HDAC8: variants seen among roughly 807,000 people sequenced by gnomAD.
HDAC8 encodes the protein histone deacetylase 8, also known as histone deacetylase-like 1.
Under a neutral mutation model 32.2 loss-of-function variants are expected in HDAC8, and 1 was observed. That is an observed-to-expected ratio of 0.03 (90% CI 0.01 to 0.15). The LOEUF is 0.15. Ranked by LOEUF, HDAC8 falls within the 10% of genes least tolerant of loss-of-function variation. The probability of loss-of-function intolerance (pLI) is 1.00; values close to 1 mark genes in which losing one functional copy is unlikely to be tolerated. For missense variants in HDAC8, 117 were observed against 300.0 expected, an observed-to-expected ratio of 0.39 and a Z score of 4.51; for synonymous variants, 108 against 113.9, an observed-to-expected ratio of 0.95 and a Z score of 0.33.
At chrX:72,442,079 G>A (rs1204795022) in intron 9 of HDAC8, among the ~76,000 whole-genome samples, 12 of 111,032 alleles carry the variant, frequency 1.1e-4, no homozygotes, top group East Asian at 2.8e-4. Context: ...TGAAAGTGAC[G>A]GGGAGAATGG....
intron 4 of HDAC8, among the ~76,000 whole-genome samples, chrX:72,502,511 T>C (rs1354003131): frequency 9.0e-6 from 1 of 111,270 alleles, no homozygotes; most frequent in East Asian, 2.8e-4. Context: ...AACTGTTGGG[T>C]ACTGGGCTTA....
At chrX:72,547,748 T>G (rs781903363) in intron 4 of HDAC8, among the ~76,000 whole-genome samples, 9 of 111,683 alleles carry the variant, frequency 8.1e-5, no homozygotes, top group Non-Finnish European at 1.5e-4. Context: ...ACAGAGATAA[T>G]AATTTGTACC....
At chrX:72,492,289 C>G (rs1235171327) in intron 5 of HDAC8, among the ~76,000 whole-genome samples, 1 of 111,860 alleles carries the variant, frequency 8.9e-6, no homozygotes, top group Non-Finnish European at 1.9e-5. Flanking sequence ...AATGGTTTTG[C>G]TCTAATTTGC....
At chrX:72,419,978 C>T (rs968057776) in intron 9 of HDAC8, among the ~76,000 whole-genome samples, 2 of 111,164 alleles carry the variant, frequency 1.8e-5, no homozygotes, top group African/African-American at 3.3e-5. Flanking sequence ...TGTATAATGA[C>T]GTTAATATAT....
chrX:72,458,246 C>T (rs1798015769), intron 9 of HDAC8, among the ~76,000 whole-genome samples: 2 of 112,838 alleles, frequency 1.8e-5, no homozygotes, highest in Admixed American at 1.9e-4. Flanking sequence ...GCTGGCCAAC[C>T]TGGCTCCCCA....
intron 10 of HDAC8, chrX:72,351,240 C>A: frequency 5.0e-6 from 1 of 201,408 alleles, no homozygotes; most frequent in Non-Finnish European, 9.1e-6. Flanking sequence ...TTTGGGACCA[C>A]AGGCATATGC....
At chrX:72,506,878 G>T (rs2049408876) in intron 4 of HDAC8, among the ~76,000 whole-genome samples, 1 of 109,937 alleles carries the variant, frequency 9.1e-6, no homozygotes, top group African/African-American at 3.3e-5. Context: ...TTGAGATAGG[G>T]TCTCACTCTG....
At chrX:72,334,107 G>T (rs1186493179) in intron 10 of HDAC8, among the ~76,000 whole-genome samples, 1 of 111,884 alleles carries the variant, frequency 8.9e-6, no homozygotes, top group African/African-American at 3.3e-5. Flanking sequence ...AAAAATGCAA[G>T]CTTAAATAAT....
At chrX:72,436,244 C>T (rs1358014458) in intron 9 of HDAC8, among the ~76,000 whole-genome samples, 1 of 111,307 alleles carries the variant, frequency 9.0e-6, no homozygotes, top group Non-Finnish European at 1.9e-5. Flanking sequence ...ATGATAAACC[C>T]AAGGAAATCC....
intron 10 of HDAC8, among the ~76,000 whole-genome samples, chrX:72,343,718 C>T (rs1459350207): frequency 8.9e-6 from 1 of 111,949 alleles, no homozygotes; most frequent in Non-Finnish European, 1.9e-5. Context: ...GTTGTCCAGG[C>T]TGGTCTCAAA....
At chrX:72,413,120 TTTTATTA>T (rs1437285031) in intron 9 of HDAC8, among the ~76,000 whole-genome samples, 20 of 111,217 alleles carry the variant, frequency 1.8e-4, no homozygotes, top group African/African-American at 5.9e-4. Context: ...TGGTTTTTTT[TTTTATTA>T]TTATTATACT....
intron 7 of HDAC8, among the ~76,000 whole-genome samples, chrX:72,476,322 G>A (rs1386928798): frequency 9.1e-6 from 1 of 110,467 alleles, no homozygotes; most frequent in Non-Finnish European, 1.9e-5. Flanking sequence ...CTGGGCAGGG[G>A]GTAGGGTGGG....
chrX:72,389,000 C>T (rs1337755848), intron 9 of HDAC8, among the ~76,000 whole-genome samples: 3 of 112,228 alleles, frequency 2.7e-5, no homozygotes, highest in Admixed American at 9.5e-5. Flanking sequence ...CCTGAGCTGA[C>T]TAATACAATT....
chrX:72,537,370 AT>A (rs2147441891), intron 4 of HDAC8, among the ~76,000 whole-genome samples: 1 of 112,311 alleles, frequency 8.9e-6, no homozygotes, highest in African/African-American at 3.2e-5. Context: ...ATTTTGTACT[AT>A]TACACCCAAT....
chrX:72,516,588 T>A (rs1197394476), intron 4 of HDAC8, among the ~76,000 whole-genome samples: 1 of 111,194 alleles, frequency 9.0e-6, no homozygotes, highest in African/African-American at 3.3e-5. Context: ...CTGACCCCTT[T>A]CTGCCATTTT....
At chrX:72,478,658 T>TC (rs1340355607) in intron 7 of HDAC8, among the ~76,000 whole-genome samples, 3 of 104,635 alleles carry the variant, frequency 2.9e-5, no homozygotes, top group African/African-American at 1.0e-4. Flanking sequence ...TTTAGTCCTT[T>TC]TTTTTTTTTT....
At chrX:72,486,934 A>G (rs1366429826) in intron 7 of HDAC8, among the ~76,000 whole-genome samples, 2 of 111,494 alleles carry the variant, frequency 1.8e-5, no homozygotes, top group Non-Finnish European at 3.8e-5. Flanking sequence ...AAGGAAAGCA[A>G]AGAAAAAAAA....
chrX:72,372,019 G>C (rs782733454), intron 9 of HDAC8, among the ~76,000 whole-genome samples: 2 of 111,280 alleles, frequency 1.8e-5, no homozygotes, highest in East Asian at 5.7e-4. Context: ...TGGCACTTGG[G>C]CCCTTAGGAG....
intron 9 of HDAC8, among the ~76,000 whole-genome samples, chrX:72,434,624 C>T (rs2046902976): frequency 8.9e-6 from 1 of 112,031 alleles, no homozygotes; most frequent in Non-Finnish European, 1.9e-5. Context: ...GCACCATACT[C>T]AGTTTCTACA....
Sources: gnomAD v4.1 joint callset for allele counts (sites outside exome capture counted in the v4.1 genomes callset) on GRCh38, gnomAD v4.1.1 for gene constraint, MANE v1.5 for transcripts, NCBI Gene and HGNC (gene_info 2026-07-23, HGNC 2026-07-21) for gene names.